Variants in ENTPD1 observed in about 807,000 individuals in gnomAD.
ENTPD1 encodes the protein ectonucleoside triphosphate diphosphohydrolase 1.
A neutral mutation model predicts 57.0 loss-of-function variants in ENTPD1; 33 were observed. The observed-to-expected ratio is 0.58, with a 90% CI of 0.44 to 0.77. The LOEUF (loss-of-function observed/expected upper bound fraction) is 0.77, where lower values mean the gene tolerates loss of function less well. Among genes scored for constraint, ENTPD1 ranks in the 30% least tolerant of loss-of-function variants. ENTPD1 has a pLI of 0.00. For missense variants in ENTPD1, 501 were observed against 603.4 expected (o/e 0.83, Z 1.78); for synonymous variants, 202 against 218.8 (o/e 0.92, Z 0.68).
chr10:95,877,096 T>C lies in ENTPD1; in HGVS notation c.*10713T>C, dbSNP rs2098486454. Among the ~76,000 whole-genome samples the C allele has an allele frequency of 6.6e-6, 1 of 152,196 alleles. No individual in the cohort carries two copies. The highest frequency in any genetic ancestry group is 2.1e-4 in the South Asian group (1 of 4,824). On this transcript the variant is annotated 3_prime_UTR_variant, in exon 10 of 10. Coordinates refer to ENST00000371205, the MANE Select transcript of ENTPD1 (RefSeq NM_001776.6). ...GCCTATTCCTCTTTAAATTACAAAG[T>C]TAAAATTTGGGAGTAGTAGAAAATC...
intron 1 of ENTPD1, among the ~76,000 whole-genome samples, chr10:95,800,796 T>C (rs897112692): frequency 8.5e-5 from 13 of 152,196 alleles, no homozygotes; most frequent in Admixed American, 3.3e-4. Context: ...CCTCGTTCCC[T>C]GAAAATAGCT....
chr10:95,860,462 C>G lies in ENTPD1; in HGVS notation c.1075-7C>G, dbSNP rs779615069. On this transcript the variant is annotated splice_polypyrimidine_tract_variant and splice_region_variant and intron_variant, in intron 7 of 9. Transcript: ENST00000371205. ...ACACAGCCTAAAACTGCGATTTTCT[C>G]TTGTAGGCATTTTCAGCTTTTTACT... 6.2e-6 allele frequency: 10 copies of G among 1,610,630 alleles called. No homozygotes were observed. The South Asian group carries it at 1.1e-4, about 18-fold the overall frequency.
intron 1 of ENTPD1, among the ~76,000 whole-genome samples, chr10:95,757,200 A>C (rs2098030444): frequency 1.3e-5 from 2 of 152,250 alleles, no homozygotes; most frequent in Admixed American, 6.5e-5. Flanking sequence ...TACTTACAAT[A>C]ATGATAGCTG....
intron 2 of ENTPD1, 57 bp downstream of exon 2, chr10:95,823,421 AG>A: frequency 6.2e-7 from 1 of 1,609,544 alleles, no homozygotes; most frequent in Non-Finnish European, 8.5e-7. Context: ...TGGGTGGGAC[AG>A]GGGGAGGAGG....
At chr10:95,784,716 A>G (rs1478773795) in intron 1 of ENTPD1, among the ~76,000 whole-genome samples, 1 of 152,176 alleles carries the variant, frequency 6.6e-6, no homozygotes, top group Non-Finnish European at 1.5e-5. Context: ...CTGGCAGACA[A>G]TGAGGAAGGA....
chr10:95,701,294 T>C, the ENTPD1 span, among the ~76,000 whole-genome samples: 7 of 152,128 alleles, frequency 4.6e-5, no homozygotes, highest in Non-Finnish European at 1.0e-4. Flanking sequence ...ACCTTATCTC[T>C]AAAAATATAA....
intron 1 of ENTPD1, among the ~76,000 whole-genome samples, chr10:95,726,839 G>A (rs1378275363): frequency 1.3e-5 from 2 of 152,058 alleles, no homozygotes; most frequent in Non-Finnish European, 2.9e-5. Context: ...TGCACACTGG[G>A]TCCTGAGTGA....
At chr10:95,722,958 A>G (rs1444993320) in intron 1 of ENTPD1, among the ~76,000 whole-genome samples, 1 of 152,224 alleles carries the variant, frequency 6.6e-6, no homozygotes, top group Non-Finnish European at 1.5e-5. Flanking sequence ...TGTGCTCACA[A>G]TGAGGTTTCC....
At chr10:95,715,726 A>C (rs1359258524) in intron 1 of ENTPD1, among the ~76,000 whole-genome samples, 6 of 152,178 alleles carry the variant, frequency 3.9e-5, no homozygotes, top group African/African-American at 1.4e-4. Flanking sequence ...TGTACAATTC[A>C]GTGGTTTTTA....
chr10:95,864,807 G>C lies in ENTPD1; in HGVS notation c.1272G>C (p.Leu424=). The C allele has an allele frequency of 6.2e-7, 1 of 1,613,962 alleles. No individual in the cohort carries two copies. Among genetic ancestry groups the C allele is most frequent in the South Asian group, 1.1e-5 (1 of 91,058 alleles). Residue 424 remains leucine (L), a synonymous_variant, in exon 9 of 10, where the codon CTG becomes CTC. Coordinates refer to ENST00000371205, the MANE Select transcript of ENTPD1 (RefSeq NM_001776.6). ...GTACCTACATTCTCTCCCTCCTTCT[G>C]CAAGGCTATCATTTCACAGCTGATT... The part of the protein sequence containing the change: ...FSGTYILSLL[L]QGYHFTADSW...
At chr10:95,768,258 A>T (rs2098098660) in intron 1 of ENTPD1, among the ~76,000 whole-genome samples, 1 of 152,182 alleles carries the variant, frequency 6.6e-6, no homozygotes, top group African/African-American at 2.4e-5. Context: ...CCTTTCAAAA[A>T]TTTTTGCCTG....
chr10:95,838,996 ATATAT>A (rs1409587093), intron 2 of ENTPD1, among the ~76,000 whole-genome samples: 1 of 152,190 alleles, frequency 6.6e-6, no homozygotes, highest in Non-Finnish European at 1.5e-5. Flanking sequence ...ATATTGTAAA[ATATAT>A]TAAATACAAT....
At position 95,870,392 on chromosome 10, in the gene ENTPD1, C is replaced by A; in HGVS notation, c.*4009C>A. 1 of 784,854 alleles carries A rather than the reference C, an allele frequency of 1.3e-6. No individual in the cohort carries two copies. The highest frequency in any genetic ancestry group is 1.5e-6 in the Non-Finnish European group (1 of 647,154). The allele number at this position is 784,854 out of a possible 1,614,324, so 48.6% of individuals were successfully genotyped here. On this transcript the variant is annotated 3_prime_UTR_variant, in exon 10 of 10. Transcript: ENST00000371205. ...CTCGACCTCCCAAGCTCAAGCAAGG[C>A]TACAGGTGTGCACCTAAGTAGCTAG...
At chr10:95,755,547 TTCATAGCC>T, upstream of ENTPD1, 1 of 669,048 alleles carries the variant, frequency 1.5e-6, no homozygotes, top group South Asian at 1.9e-5. Flanking sequence ...CTTTCATCAA[TTCATAGCC>T]AGGCAGCGGT....
intron 1 of ENTPD1, among the ~76,000 whole-genome samples, chr10:95,735,262 C>CTCAG (rs1264926812): frequency 6.6e-6 from 1 of 152,124 alleles, no homozygotes; most frequent in East Asian, 1.9e-4. Context: ...AACTCCTGAC[C>CTCAG]TCAGGTGATT....
chr10:95,818,944 A>C (rs1003673091), intron 1 of ENTPD1, among the ~76,000 whole-genome samples: 2 of 152,214 alleles, frequency 1.3e-5, no homozygotes, highest in Admixed American at 1.3e-4. Flanking sequence ...TTTAGTCCAG[A>C]TGTGACTCAT....
At chr10:95,772,765 G>A (rs1254329664) in intron 1 of ENTPD1, among the ~76,000 whole-genome samples, 1 of 152,112 alleles carries the variant, frequency 6.6e-6, no homozygotes, top group Non-Finnish European at 1.5e-5. Context: ...GGTAATTTTT[G>A]TCCAGAAGGC....
chr10:95,817,756 C>T (rs192495655), intron 1 of ENTPD1, among the ~76,000 whole-genome samples: 1 of 152,312 alleles, frequency 6.6e-6, no homozygotes, highest in Admixed American at 6.5e-5. Flanking sequence ...TTTTCTTCCT[C>T]CTCAGCACTT....
chr10:95,840,918 G>A (rs188912010), intron 3 of ENTPD1, among the ~76,000 whole-genome samples: 100 of 140,376 alleles, frequency 7.1e-4, no homozygotes, highest in Middle Eastern at 4.4e-3. Flanking sequence ...ATTTTCACAG[G>A]TCGTCAAGAA....
Sources: gnomAD v4.1 joint callset for allele counts (sites outside exome capture counted in the v4.1 genomes callset) on GRCh38, gnomAD v4.1.1 for gene constraint, MANE v1.5 for transcripts, NCBI Gene and HGNC (gene_info 2026-07-23, HGNC 2026-07-21) for gene names.